The following LRTM1 variants were observed in gnomAD, a reference collection of about 807,000 sequenced individuals.
The protein encoded by LRTM1 is leucine-rich repeat and transmembrane domain-containing protein 1.
In LRTM1, 38 loss-of-function variants were observed where a neutral mutation model predicts 32.4. That is an observed-to-expected ratio of 1.17 (90% CI 0.91 to 1.54). The LOEUF (loss-of-function observed/expected upper bound fraction) is 1.54, where lower values mean the gene tolerates loss of function less well. Among genes scored for constraint, LRTM1 ranks in the 40% most tolerant of loss-of-function variants. LRTM1 has a pLI of 0.00. For synonymous variants in LRTM1, 186 were observed against 169.9 expected (o/e 1.09, Z -0.74); for missense variants, 466 against 415.4 (o/e 1.12, Z -1.06).
intron 1 of LRTM1, among the ~76,000 whole-genome samples, chr3:54,963,416 C>T (rs1370303420): frequency 2.6e-5 from 4 of 152,202 alleles, no homozygotes; most frequent in Non-Finnish European, 4.4e-5. Context: ...TATTCTAGAT[C>T]TGCATGGTCC....
intron 1 of LRTM1, among the ~76,000 whole-genome samples, chr3:54,942,166 G>T (rs1039346888): frequency 1.3e-5 from 2 of 152,206 alleles, no homozygotes; most frequent in African/African-American, 4.8e-5. Context: ...AATGATTTCT[G>T]CAACAGGGCA....
chr3:54,962,363 G>C (rs1301205659), intron 1 of LRTM1, among the ~76,000 whole-genome samples: 1 of 152,194 alleles, frequency 6.6e-6, no homozygotes, highest in East Asian at 1.9e-4. Flanking sequence ...GGAGTGGACA[G>C]TTTGCATTGG....
upstream of LRTM1, chr3:54,928,091 G>A: frequency 1.6e-6 from 1 of 611,524 alleles, no homozygotes; most frequent in South Asian, 2.2e-5. Flanking sequence ...ATTTATTTAA[G>A]CAGCCCTTCC....
chr3:54,948,297 T>C (rs1701667335), intron 1 of LRTM1, among the ~76,000 whole-genome samples: 1 of 152,210 alleles, frequency 6.6e-6, no homozygotes, highest in East Asian at 1.9e-4. Context: ...TGAGTAATTC[T>C]CTCACTGTAT....
At chr3:54,967,065 C>T (rs928591252) in exon 1 of LRTM1, 7 of 152,192 alleles carry the variant, frequency 4.6e-5, no homozygotes, top group Admixed American at 4.6e-4. Context: ...GCCTGGGCAC[C>T]GACATGGTGC....
At chr3:54,960,127 G>A (rs1181332988) in intron 1 of LRTM1, among the ~76,000 whole-genome samples, 2 of 151,510 alleles carry the variant, frequency 1.3e-5, no homozygotes, top group Non-Finnish European at 2.9e-5. Context: ...GTGGCCAAAT[G>A]GATCAGGCCT....
chr3:54,927,665 A>G (rs1319980751), intron 1 of LRTM1, among the ~76,000 whole-genome samples: 1 of 152,142 alleles, frequency 6.6e-6, no homozygotes, highest in East Asian at 1.9e-4. Flanking sequence ...TTTCCTATGA[A>G]ATGGCCCGTG....
intron 1 of LRTM1, among the ~76,000 whole-genome samples, chr3:54,961,418 T>G (rs983409737): frequency 6.6e-5 from 10 of 152,204 alleles, no homozygotes; most frequent in Non-Finnish European, 1.5e-4. Flanking sequence ...AGCAGGTAAT[T>G]TATTTATTAT....
chr3:54,918,245 T>C lies in LRTM1; in HGVS notation c.*214A>G. ...ACTTCCCAGGCCCAGAGCACAAGTA[T>C]CATCTTTATTTTACCTATAGTATTT... is the stretch of plus-strand genomic sequence containing the variant. On this transcript the variant is annotated 3_prime_UTR_variant, in exon 3 of 3. Transcript: ENST00000273286. 1 of 531,496 alleles carries C rather than the reference T, an allele frequency of 1.9e-6. No homozygotes were observed. Among genetic ancestry groups the C allele is most frequent in the African/African-American group, 1.9e-5 (1 of 51,988 alleles). 32.9% of individuals were successfully genotyped at this position (531,496 alleles called of 1,614,324 possible). A position where few individuals can be genotyped will look rare whatever the true frequency, so the allele number is the denominator to read the frequency against.
At chr3:54,951,653 G>C (rs1050136015) in intron 1 of LRTM1, among the ~76,000 whole-genome samples, 1 of 150,398 alleles carries the variant, frequency 6.6e-6, no homozygotes, top group Non-Finnish European at 1.5e-5. Context: ...TCCAGTCCCA[G>C]TTCCAAGAAG....
upstream of LRTM1, among the ~76,000 whole-genome samples, chr3:54,930,538 A>G (rs755928195): frequency 7.2e-5 from 11 of 152,236 alleles, no homozygotes; most frequent in South Asian, 2.1e-4. Flanking sequence ...TGATCAATCT[A>G]TTGACAGCAC....
chr3:54,952,215 G>A (rs192156038), intron 1 of LRTM1, among the ~76,000 whole-genome samples: 76 of 152,222 alleles, frequency 5.0e-4, no homozygotes, highest in African/African-American at 1.7e-3. Flanking sequence ...CTCTGTAACC[G>A]CCTTCTTAGA....
chr3:54,959,112 C>G (rs1701973458), intron 1 of LRTM1, among the ~76,000 whole-genome samples: 1 of 152,148 alleles, frequency 6.6e-6, no homozygotes, highest in Non-Finnish European at 1.5e-5. Context: ...GCAAAAAACC[C>G]CTTTATCTGG....
intron 1 of LRTM1, among the ~76,000 whole-genome samples, chr3:54,947,477 C>T (rs1157257818): frequency 1.3e-5 from 2 of 152,120 alleles, no homozygotes; most frequent in Non-Finnish European, 2.9e-5. Flanking sequence ...TCTCAGGAGG[C>T]ACTGAAGCAT....
intron 1 of LRTM1, among the ~76,000 whole-genome samples, chr3:54,937,569 A>G (rs953339406): frequency 6.6e-6 from 1 of 152,190 alleles, no homozygotes; most frequent in African/African-American, 2.4e-5. Flanking sequence ...GTATATGAAA[A>G]AGTACAGCCA....
intron 1 of LRTM1, among the ~76,000 whole-genome samples, chr3:54,947,865 G>A (rs1701653744): frequency 6.6e-6 from 1 of 152,186 alleles, no homozygotes; most frequent in African/African-American, 2.4e-5. Context: ...TCACTAGGGA[G>A]CTGCTTCAAA....
chr3:54,922,598 T>A (rs1444424006), intron 2 of LRTM1, among the ~76,000 whole-genome samples: 1 of 152,192 alleles, frequency 6.6e-6, no homozygotes, highest in African/African-American at 2.4e-5. Context: ...TTAACCCATG[T>A]TGTATTCACC....
At position 54,918,359 on chromosome 3, in the gene LRTM1, T is replaced by TTTTA; in HGVS notation, c.*99_*100insTAAA. 1.6e-6 allele frequency: 1 copy of TTTTA among 628,042 alleles called. No individual in the cohort carries two copies. Among genetic ancestry groups the TTTTA allele is most frequent in the Non-Finnish European group, 2.3e-6 (1 of 437,570 alleles). The allele number at this position is 628,042 out of a possible 1,614,324, so 38.9% of individuals were successfully genotyped here. On this transcript the variant is annotated 3_prime_UTR_variant, in exon 3 of 3. Coordinates refer to ENST00000273286, the MANE Select transcript of LRTM1 (RefSeq NM_020678.4). ...TTTTTTTTTTTTTTTTTTTTTTGTC[T>TTTTA]TTTGGCAAAAGCAAAATCAGACTAA...
intron 1 of LRTM1, among the ~76,000 whole-genome samples, chr3:54,954,729 T>A: frequency 6.6e-6 from 1 of 152,178 alleles, no homozygotes; most frequent in Admixed American, 6.5e-5. Flanking sequence ...AAATCCAGAA[T>A]CTGCTTCTTT....
Sources: gnomAD v4.1 joint callset for allele counts (sites outside exome capture counted in the v4.1 genomes callset) on GRCh38, gnomAD v4.1.1 for gene constraint, MANE v1.5 for transcripts, NCBI Gene and HGNC (gene_info 2026-07-23, HGNC 2026-07-21) for gene names.